The following CDKL3 variants were observed in gnomAD, a reference collection of about 807,000 sequenced individuals.
The protein encoded by CDKL3 is cyclin-dependent kinase-like 3.
A neutral mutation model predicts 69.3 loss-of-function variants in CDKL3; 65 were observed. The ratio of observed to expected loss-of-function variants is 0.94; its 90% CI spans 0.77 to 1.15. The LOEUF is 1.15. Among genes scored for constraint, CDKL3 ranks in the 50% most tolerant of loss-of-function variants. The pLI, the probability that CDKL3 is intolerant of heterozygous loss-of-function variation, is 0.00. For missense variants in CDKL3, 652 were observed against 689.2 expected, an observed-to-expected ratio of 0.95 and a Z score of 0.61; for synonymous variants, 202 against 221.6, an observed-to-expected ratio of 0.91 and a Z score of 0.79.
intron 4 of CDKL3, among the ~76,000 whole-genome samples, chr5:134,328,437 G>C (rs1046317409): frequency 6.6e-6 from 1 of 151,916 alleles, no homozygotes; most frequent in Non-Finnish European, 1.5e-5. Context: ...GATTTAAACA[G>C]GCAGAAAAAA....
upstream of CDKL3, among the ~76,000 whole-genome samples, chr5:134,368,640 A>T (rs966674341): frequency 4.0e-5 from 6 of 150,648 alleles, no homozygotes; most frequent in African/African-American, 1.5e-4. Flanking sequence ...AAAAAAAAAA[A>T]AGAAAGTTAT....
chr5:134,317,956 A>C (rs1382709342), intron 6 of CDKL3, among the ~76,000 whole-genome samples: 1 of 152,080 alleles, frequency 6.6e-6, no homozygotes, highest in Non-Finnish European at 1.5e-5. Context: ...ACGGTGGGTC[A>C]CGCCTGTAAT....
rs769613613 is a variant in CDKL3 at position 134,304,450 on chromosome 5, C to T, written c.1576G>A (p.Glu526Lys). 6.5e-5 allele frequency: 105 copies of T among 1,612,820 alleles called. 1 individual carries two copies. In the South Asian group the frequency reaches 1.1e-3, roughly 17 times the overall value. The change falls in exon 11 of 13, where the codon GAA becomes AAA. Residue 526 changes from glutamate (E) to lysine (K), a missense_variant. Glu to Lys is a moderately conservative substitution (Grantham distance 56, BLOSUM62 1). Coordinates refer to ENST00000265334, the MANE Select transcript of CDKL3 (RefSeq NM_001113575.2). Reference protein sequence around the residue: ...RSDRKEFHFPELPVTIQSKDT... With the variant: ...RSDRKEFHFPKLPVTIQSKDT... ...TTTGACTGTATTGTGACAGGCAATTCTGGAAAATGGAATTCTTTCCTGTCA... is the reference window on the plus strand; with the variant it reads ...TTTGACTGTATTGTGACAGGCAATTTTGGAAAATGGAATTCTTTCCTGTCA...
chr5:134,366,317 T>G (rs1470180883), intron 2 of CDKL3, 42 bp downstream of exon 2: 1 of 1,420,740 alleles, frequency 7.0e-7, no homozygotes, highest in East Asian at 2.4e-5. Context: ...TCCATAACAA[T>G]TTTTTCTTTT....
chr5:134,299,427 A>G, intron 12 of CDKL3: 1 of 1,008,420 alleles, frequency 9.9e-7, no homozygotes, highest in Non-Finnish European at 1.3e-6. Flanking sequence ...AAATAAAATT[A>G]TATGACTAAA....
chr5:134,326,196 A>G (rs1449152187), intron 4 of CDKL3, among the ~76,000 whole-genome samples: 22 of 152,172 alleles, frequency 1.4e-4, no homozygotes, highest in Admixed American at 1.4e-3. Flanking sequence ...GCTTGACCTG[A>G]AATTTCACAG....
chr5:134,336,952 G>A (rs969059392), intron 4 of CDKL3, among the ~76,000 whole-genome samples: 1 of 152,228 alleles, frequency 6.6e-6, no homozygotes, highest in African/African-American at 2.4e-5. Flanking sequence ...ATCTAGAGAG[G>A]CAGTAGTCCT....
rs1046037220 is a variant in CDKL3, at chr5:134,300,446, T to C, written c.1720-1736A>G. Reference sequence around the variant, plus strand: ...AATACAGAGCCAAGAATAGAAAAAATAACTAGCAATTCCCTATCTTATGTT... The same window carrying C: ...AATACAGAGCCAAGAATAGAAAAAACAACTAGCAATTCCCTATCTTATGTT... On this transcript the variant is annotated intron_variant, in intron 12 of 12. Transcript: ENST00000265334. Among the ~76,000 whole-genome samples, 15 of 152,208 alleles carry C rather than the reference T, an allele frequency of 9.9e-5. No individual in the cohort carries two copies. The East Asian group carries it at 2.9e-3, about 29-fold the overall frequency.
intron 4 of CDKL3, among the ~76,000 whole-genome samples, chr5:134,335,071 C>T (rs558835619): frequency 3.3e-5 from 5 of 151,326 alleles, no homozygotes; most frequent in Admixed American, 2.0e-4. Flanking sequence ...TATGTAACGG[C>T]CTTCTTTGTC....
chr5:134,297,100 C>T (rs1765400485), downstream of CDKL3, among the ~76,000 whole-genome samples: 2 of 151,346 alleles, frequency 1.3e-5, no homozygotes, highest in Admixed American at 6.6e-5. Context: ...TACAGGCGTG[C>T]ACCACCACAC....
chr5:134,334,705 C>T (rs541038223), intron 4 of CDKL3, among the ~76,000 whole-genome samples: 1 of 152,288 alleles, frequency 6.6e-6, no homozygotes, highest in South Asian at 2.1e-4. Flanking sequence ...TGTTCTTTTA[C>T]ATTTGCTGAG....
chr5:134,331,855 C>G (rs1392188950), intron 4 of CDKL3, among the ~76,000 whole-genome samples: 2 of 152,134 alleles, frequency 1.3e-5, no homozygotes, highest in Non-Finnish European at 2.9e-5. Context: ...ATTTCTAGTT[C>G]TCGATCCTTG....
At chr5:134,368,952 A>C (rs1489085898), upstream of CDKL3, among the ~76,000 whole-genome samples, 1 of 152,142 alleles carries the variant, frequency 6.6e-6, no homozygotes. Context: ...ACTGGAGCCC[A>C]GAAGGTCAAG....
chr5:134,371,356 G>C, upstream of CDKL3: 1 of 614,320 alleles, frequency 1.6e-6, no homozygotes. Context: ...GCTCGGGGAA[G>C]GCGCGCTCCC....
intron 4 of CDKL3, among the ~76,000 whole-genome samples, chr5:134,344,421 T>C (rs941106079): frequency 1.3e-5 from 2 of 152,148 alleles, no homozygotes; most frequent in East Asian, 3.9e-4. Context: ...ATCTAGGATA[T>C]GCAGAAAATT....
chr5:134,293,002 C>CTTTTTTTTTTTTTT (rs558156596), intron 8 of CDKL3, among the ~76,000 whole-genome samples: 2 of 43,878 alleles, frequency 4.6e-5, no homozygotes, highest in African/African-American at 7.6e-5. Flanking sequence ...CTGCCAATTT[C>CTTTTTTTTTTTTTT]TTTTTTTTTT....
At chr5:134,357,595 G>A (rs1180539186) in intron 3 of CDKL3, among the ~76,000 whole-genome samples, 3 of 152,126 alleles carry the variant, frequency 2.0e-5, no homozygotes, top group African/African-American at 7.2e-5. Context: ...TCCTGCCATT[G>A]TACTCCAGCC....
At chr5:134,284,036 G>A (rs1191497455), downstream of CDKL3, among the ~76,000 whole-genome samples, 1 of 152,124 alleles carries the variant, frequency 6.6e-6, no homozygotes, top group Non-Finnish European at 1.5e-5. Flanking sequence ...GGGTTCCCAT[G>A]GTCATGGGAA....
In CDKL3 at chr5:134,293,002, C is replaced by CTTTTTTTTTTTTTTTTTT. The variant is rs558156596; in HGVS notation, c.*678-6461_*678-6444dup. On this transcript the variant is annotated intron_variant and NMD_transcript_variant, in intron 8 of 8. Transcript: ENST00000519312. Reference sequence around the variant, plus strand: ...GCCCTGTTGGCCTCACTGCCAATTTCTTTTTTTTTTTTTTTTTTTTTTTTT... The same window carrying CTTTTTTTTTTTTTTTTTT: ...GCCCTGTTGGCCTCACTGCCAATTTCTTTTTTTTTTTTTTTTTTTTTTTTTTTTTTTTTTTTTTTTTTT... Among the ~76,000 whole-genome samples the CTTTTTTTTTTTTTTTTTT allele has an allele frequency of 4.6e-5, 2 of 43,878 alleles. 1 individual carries two copies. The highest frequency in any genetic ancestry group is 1.5e-4 in the African/African-American group (2 of 13,084). 28.8% of individuals were successfully genotyped at this position (43,878 alleles called of 152,430 possible). A position where few individuals can be genotyped will look rare whatever the true frequency, so the allele number is the denominator to read the frequency against.
Sources: gnomAD v4.1 joint callset for allele counts (sites outside exome capture counted in the v4.1 genomes callset) on GRCh38, gnomAD v4.1.1 for gene constraint, MANE v1.5 for transcripts, NCBI Gene and HGNC (gene_info 2026-07-23, HGNC 2026-07-21) for gene names.